The following IL1RAPL1 variants were observed in gnomAD, a reference collection of about 807,000 sequenced individuals.
IL1RAPL1 encodes the protein interleukin-1 receptor accessory protein-like 1.
A neutral mutation model predicts 48.4 loss-of-function variants in IL1RAPL1; 3 were observed. The ratio of observed to expected loss-of-function variants is 0.06; its 90% CI spans 0.03 to 0.16. The LOEUF (loss-of-function observed/expected upper bound fraction) is 0.16, where lower values mean the gene tolerates loss of function less well. Ranked by LOEUF, IL1RAPL1 falls within the 10% of genes least tolerant of loss-of-function variation. The pLI is 1.00. For missense variants in IL1RAPL1, 349 were observed against 530.6 expected (o/e 0.66, Z 3.36); for synonymous variants, 185 against 187.7 (o/e 0.99, Z 0.12).
chrX:29,311,933 G>C (rs1226836516), intron 3 of IL1RAPL1, among the ~76,000 whole-genome samples: 1 of 111,836 alleles, frequency 8.9e-6, no homozygotes, highest in Non-Finnish European at 1.9e-5. Flanking sequence ...TAATGAGCTA[G>C]GGGCTTGGCA....
Position 28,905,142 on chromosome X carries a change from T to C in IL1RAPL1, c.82+115717T>C, listed in dbSNP as rs187377785. Reference sequence around the variant, plus strand: ...TTAAAATGCAGTAGATTTCACTAGATCTTTAAAACTCAGTAACAAAGTATC... The same window carrying C: ...TTAAAATGCAGTAGATTTCACTAGACCTTTAAAACTCAGTAACAAAGTATC... On this transcript the variant is annotated intron_variant, in intron 2 of 10. Coordinates refer to ENST00000378993, the MANE Select transcript of IL1RAPL1 (RefSeq NM_014271.4). Among the ~76,000 whole-genome samples, 700 of 111,612 alleles carry C rather than the reference T, an allele frequency of 6.3e-3. 5 individuals are homozygous for C. Among genetic ancestry groups the C allele is most frequent in the African/African-American group, 0.022 (664 of 30,839 alleles).
At chrX:28,832,397 T>A (rs79190401) in intron 2 of IL1RAPL1, among the ~76,000 whole-genome samples, 5,491 of 111,463 alleles carry the variant, frequency 0.049, 204 homozygotes, top group African/African-American at 0.13. Flanking sequence ...TTTATTCTAC[T>A]CAATACTTTT....
In IL1RAPL1 at chrX:29,171,613, G is replaced by A. The variant is rs770851615; in HGVS notation, c.83-111325G>A. On this transcript the variant is annotated intron_variant, in intron 2 of 10. Coordinates refer to ENST00000378993, the MANE Select transcript of IL1RAPL1 (RefSeq NM_014271.4). The stretch of plus-strand genomic sequence containing the variant: ...AAGATATTTCTCAAAACAGGCTGAA[G>A]ATAAAGATTATAGCTATAGAATTAT... Among the ~76,000 whole-genome samples the A allele has an allele frequency of 2.8e-4, 31 of 111,956 alleles. No homozygotes were observed. In the South Asian group the frequency reaches 2.9e-3, roughly 11 times the overall value.
intron 2 of IL1RAPL1, among the ~76,000 whole-genome samples, chrX:29,008,960 T>G (rs998538070): frequency 4.5e-5 from 5 of 111,324 alleles, no homozygotes. Context: ...CTTAGGATAA[T>G]GGCTTCCAGC....
chrX:29,458,221 G>A (rs747536337), intron 5 of IL1RAPL1, among the ~76,000 whole-genome samples: 2 of 112,437 alleles, frequency 1.8e-5, no homozygotes, highest in African/African-American at 3.2e-5. Context: ...CTGCCATTCT[G>A]TAGATTGTTT....
At chrX:28,791,292 A>G (rs1936537110) in intron 2 of IL1RAPL1, among the ~76,000 whole-genome samples, 1 of 111,407 alleles carries the variant, frequency 9.0e-6, no homozygotes, top group African/African-American at 3.3e-5. Context: ...AGCTAGAAAC[A>G]TGGGGCAGTT....
chrX:29,552,039 T>C (rs1921832416), intron 5 of IL1RAPL1, among the ~76,000 whole-genome samples: 1 of 111,553 alleles, frequency 9.0e-6, no homozygotes, highest in African/African-American at 3.3e-5. Flanking sequence ...AGAGAATCAT[T>C]TACCAGCTAT....
chrX:29,259,061 G>T (rs752273833), intron 2 of IL1RAPL1, among the ~76,000 whole-genome samples: 2 of 110,928 alleles, frequency 1.8e-5, no homozygotes, highest in Non-Finnish European at 1.9e-5. Context: ...ACTCAAATTG[G>T]ATTTCCTTTT....
chrX:28,621,448 A>G (rs1934284325), intron 1 of IL1RAPL1, among the ~76,000 whole-genome samples: 1 of 111,861 alleles, frequency 8.9e-6, no homozygotes, highest in African/African-American at 3.2e-5. Context: ...CACATTTGAC[A>G]TGGCAATGCA....
chrX:29,243,875 G>A (rs772714873), intron 2 of IL1RAPL1, among the ~76,000 whole-genome samples: 1 of 111,295 alleles, frequency 9.0e-6, no homozygotes, highest in South Asian at 3.8e-4. Flanking sequence ...CTCATAGGAA[G>A]AGAAGGATTG....
intron 2 of IL1RAPL1, among the ~76,000 whole-genome samples, chrX:28,994,784 A>G (rs149075300): frequency 0.015 from 1,648 of 112,007 alleles, 14 homozygotes; most frequent in Middle Eastern, 0.051. Flanking sequence ...TTGCATTGAC[A>G]TTATTAAAAG....
At chrX:28,855,780 C>T (rs1921790304) in intron 2 of IL1RAPL1, among the ~76,000 whole-genome samples, 1 of 111,154 alleles carries the variant, frequency 9.0e-6, no homozygotes, top group African/African-American at 3.3e-5. Flanking sequence ...CTGGAGAGCC[C>T]TTTTTATTAA....
chrX:29,869,886 T>C (rs1218747123), intron 6 of IL1RAPL1, among the ~76,000 whole-genome samples: 1 of 110,079 alleles, frequency 9.1e-6, no homozygotes, highest in East Asian at 2.9e-4. Context: ...GCATCATGAA[T>C]GGGGTCACAG....
chrX:29,568,873 G>A (rs1379729702), intron 5 of IL1RAPL1, among the ~76,000 whole-genome samples: 2 of 111,243 alleles, frequency 1.8e-5, no homozygotes, highest in Non-Finnish European at 3.8e-5. Flanking sequence ...AAGAGGATCT[G>A]AAGCAGAGTA....
chrX:29,216,252 C>T (rs1313121487), intron 2 of IL1RAPL1, among the ~76,000 whole-genome samples: 3 of 110,932 alleles, frequency 2.7e-5, no homozygotes, highest in Admixed American at 1.9e-4. Context: ...TGCAGTGGTG[C>T]GATCACAATT....
At chrX:29,581,971 A>C (rs1922976439) in intron 5 of IL1RAPL1, among the ~76,000 whole-genome samples, 2 of 111,864 alleles carry the variant, frequency 1.8e-5, no homozygotes, top group South Asian at 7.4e-4. Flanking sequence ...TTGGTCTTGC[A>C]AAATGGGTAG....
intron 5 of IL1RAPL1, among the ~76,000 whole-genome samples, chrX:29,596,652 A>G (rs1005898131): frequency 1.8e-5 from 2 of 111,728 alleles, no homozygotes; most frequent in African/African-American, 6.5e-5. Flanking sequence ...AGGATTTTCT[A>G]AGTATACAAT....
chrX:29,927,789 G>T (rs1346537413), intron 8 of IL1RAPL1, among the ~76,000 whole-genome samples: 1 of 108,785 alleles, frequency 9.2e-6, no homozygotes, highest in African/African-American at 3.3e-5. Context: ...ACACTTACTT[G>T]TATTCAGCTA....
chrX:28,917,021 G>A (rs1923504259), intron 2 of IL1RAPL1, among the ~76,000 whole-genome samples: 1 of 111,520 alleles, frequency 9.0e-6, no homozygotes, highest in African/African-American at 3.3e-5. Flanking sequence ...TTTGGGGTTT[G>A]TTTTTCCTAC....
Sources: gnomAD v4.1 joint callset for allele counts (sites outside exome capture counted in the v4.1 genomes callset) on GRCh38, gnomAD v4.1.1 for gene constraint, MANE v1.5 for transcripts, NCBI Gene and HGNC (gene_info 2026-07-23, HGNC 2026-07-21) for gene names.